The following TRIM41 variants were observed in gnomAD, a reference collection of about 807,000 sequenced individuals.
TRIM41 encodes the protein E3 ubiquitin-protein ligase TRIM41.
TRIM41 carries 21 observed loss-of-function variants against 60.6 expected under a neutral mutation model. The ratio of observed to expected loss-of-function variants is 0.35; its 90% CI spans 0.25 to 0.50. The LOEUF is 0.50. Ranked by LOEUF, TRIM41 falls within the 20% of genes least tolerant of loss-of-function variation. TRIM41 has a pLI of 0.98. For synonymous variants in TRIM41, 407 were observed against 344.9 expected, an observed-to-expected ratio of 1.18 and a Z score of -2.00; for missense variants, 846 against 868.3, an observed-to-expected ratio of 0.97 and a Z score of 0.32.
In TRIM41 at chr5:181,224,405, T is replaced by TACTTGGGGGACATGGAGGAGGAGG; in HGVS notation, c.409_432dup (p.Gly138_Leu145dup). The TACTTGGGGGACATGGAGGAGGAGG allele has an allele frequency of 3.1e-6, 5 of 1,611,384 alleles. No individual in the cohort carries two copies. Among genetic ancestry groups the TACTTGGGGGACATGGAGGAGGAGG allele is most frequent in the Non-Finnish European group, 4.2e-6 (5 of 1,178,516 alleles). On this transcript the variant is annotated inframe_insertion, in exon 1 of 6. Coordinates refer to ENST00000315073, the MANE Select transcript of TRIM41 (RefSeq NM_033549.5). ...GGACGAGGAGGAAGACCTGGACTAC[T>TACTTGGGGGACATGGAGGAGGAGG]ACTTGGGGGACATGGAGGAGGAGGA...
Position 181,224,497 on chromosome 5 carries a change from C to T in TRIM41, c.498C>T (p.Asp166=), listed in dbSNP as rs112372284. 2.4e-4 allele frequency: 381 copies of T among 1,612,598 alleles called. No individual in the cohort carries two copies. Among genetic ancestry groups the T allele is most frequent in the Admixed American group, 1.7e-3 (100 of 59,984 alleles). ...VLEEVEEEDL[D]PVTPLPPPPA... ...AGGAGGTTGAGGAAGAGGATCTAGACCCCGTCACCCCACTGCCCCCGCCTC... is the reference window on the plus strand; with the variant it reads ...AGGAGGTTGAGGAAGAGGATCTAGATCCCGTCACCCCACTGCCCCCGCCTC... Residue 166 remains aspartate, a synonymous_variant, in exon 1 of 6, where the codon GAC becomes GAT. Coordinates refer to ENST00000315073, the MANE Select transcript of TRIM41 (RefSeq NM_033549.5).
chr5:181,235,660 G>T lies in TRIM41; in HGVS notation c.*885G>T. On this transcript the variant is annotated 3_prime_UTR_variant, in exon 6 of 6. Transcript: ENST00000315073. ...TGGGGACGGGTTTGGGTCCCCAGGA[G>T]GAGAGCCTTGGGTATAATCTATTTT... The T allele has an allele frequency of 2.0e-6, 1 of 492,450 alleles. No homozygotes were observed. Among genetic ancestry groups the T allele is most frequent in the East Asian group, 3.3e-5 (1 of 30,148 alleles). The allele number at this position is 492,450 out of a possible 1,614,324, so 30.5% of individuals were successfully genotyped here. A position where few individuals can be genotyped will look rare whatever the true frequency, so the allele number is the denominator to read the frequency against.
intron 1 of TRIM41, chr5:181,228,948 A>AAG (rs1554103123): frequency 6.6e-5 from 10 of 151,246 alleles, no homozygotes; most frequent in Admixed American, 2.0e-4. Context: ...AAAAAAAAAA[A>AAG]AAAAAAAAAA....
rs1759043651 is a variant in TRIM41, at chr5:181,235,170, G to GGA, written c.*396_*397insAG. ...CCTCTTTATCAGTTCTGAGGCTGGA[G>GGA]GGTTTGGGCAAGGCAACATCCCCAT... On this transcript the variant is annotated 3_prime_UTR_variant, in exon 6 of 6. Transcript: ENST00000315073. 1 of 1,535,892 alleles carries GGA rather than the reference G, an allele frequency of 6.5e-7. No individual in the cohort carries two copies. Among genetic ancestry groups the GGA allele is most frequent in the Non-Finnish European group, 8.8e-7 (1 of 1,138,898 alleles).
rs1759022578 is a variant in TRIM41 at position 181,234,967 on chromosome 5, T to A, written c.*192T>A. The A allele has an allele frequency of 1.2e-6, 2 of 1,613,978 alleles. No individual in the cohort carries two copies. Among genetic ancestry groups the A allele is most frequent in the Non-Finnish European group, 1.7e-6 (2 of 1,180,028 alleles). On this transcript the variant is annotated 3_prime_UTR_variant, in exon 6 of 6. Transcript: ENST00000315073. The surrounding 1 kb of genome is among the most constrained non-coding windows in gnomAD (Gnocchi z 5.6). ...AACCCTCCTGGCCTCCAGCTCAGCC[T>A]TCTCTCACCTACTATGTCTGTCCAA...
At chr5:181,224,857 G>T (rs1447148778) in intron 1 of TRIM41, 45 bp downstream of exon 1, 2 of 1,612,494 alleles carry the variant, frequency 1.2e-6, no homozygotes, top group South Asian at 2.2e-5. Context: ...TGGGGGGATG[G>T]AGAGGAAGTA....
intron 2 of TRIM41, chr5:181,232,125 TTTTA>T (rs1425621626): frequency 1.3e-5 from 2 of 152,232 alleles, no homozygotes; most frequent in Non-Finnish European, 2.9e-5. Context: ...TCCTGAATTC[TTTTA>T]TTTATTCATT....
Position 181,223,328 on chromosome 5 carries a change from G to C in TRIM41, c.-672G>C, listed in dbSNP as rs957075702. 20 of 399,156 alleles carry C rather than the reference G, an allele frequency of 5.0e-5. No individual in the cohort carries two copies. Among genetic ancestry groups the C allele is most frequent in the Middle Eastern group, 6.2e-4 (1 of 1,610 alleles). 24.7% of individuals were successfully genotyped at this position (399,156 alleles called of 1,614,324 possible). A position where few individuals can be genotyped will look rare whatever the true frequency, so the allele number is the denominator to read the frequency against. On this transcript the variant is annotated 5_prime_UTR_variant, in exon 1 of 6. Transcript: ENST00000315073. The stretch of plus-strand genomic sequence containing the variant: ...AGTACCGGCTGCAGTCGGCTGTGCC[G>C]GGAGGGTAGGATGGCGTCTGGCCGA...
In TRIM41 at chr5:181,223,332, G is replaced by A. The variant is rs1230900160; in HGVS notation, c.-668G>A. 4 of 399,430 alleles carry A rather than the reference G, an allele frequency of 1.0e-5. No homozygotes were observed. The highest frequency in any genetic ancestry group is 1.8e-5 in the Non-Finnish European group (4 of 226,720). 24.7% of individuals were successfully genotyped at this position (399,430 alleles called of 1,614,324 possible). On this transcript the variant is annotated 5_prime_UTR_variant, in exon 1 of 6. Coordinates refer to ENST00000315073, the MANE Select transcript of TRIM41 (RefSeq NM_033549.5). ...CCGGCTGCAGTCGGCTGTGCCGGGA[G>A]GGTAGGATGGCGTCTGGCCGATGCG... is the stretch of plus-strand genomic sequence containing the variant.
intron 1 of TRIM41, chr5:181,230,496 CAAAAAAAAAAAA>C (rs60815823): frequency 1.1e-3 from 50 of 43,724 alleles, no homozygotes; most frequent in Admixed American, 4.1e-3. Context: ...GACTCTGTCT[CAAAAAAAAAAAA>C]AAAAAAAAAA....
Position 181,233,103 on chromosome 5 carries a change from G to A in TRIM41, c.1140+214G>A, listed in dbSNP as rs999117682. The A allele has an allele frequency of 2.1e-5, 15 of 723,320 alleles. No homozygotes were observed. Among genetic ancestry groups the A allele is most frequent in the East Asian group, 5.4e-5 (2 of 37,374 alleles). The allele number at this position is 723,320 out of a possible 1,614,324, so 44.8% of individuals were successfully genotyped here. The stretch of plus-strand genomic sequence containing the variant: ...TACCCAGTGAAAAGCATGAAGATTC[G>A]GTTGTAGGAGAGGTTTAAATGACAG... On this transcript the variant is annotated intron_variant, in intron 3 of 5. Coordinates refer to ENST00000315073, the MANE Select transcript of TRIM41 (RefSeq NM_033549.5). This position sits in a 1 kb window ranked among gnomAD's most constrained non-coding sequence, Gnocchi z 4.1.
At chr5:181,224,850 G>A in intron 1 of TRIM41, 38 bp downstream of exon 1, 1 of 1,613,242 alleles carries the variant, frequency 6.2e-7, no homozygotes, top group Non-Finnish European at 8.5e-7. Context: ...AGTTTAGTGG[G>A]GGGATGGAGA....
intron 2 of TRIM41, chr5:181,232,033 G>A (rs956956543): frequency 6.6e-6 from 1 of 152,212 alleles, no homozygotes; most frequent in Admixed American, 6.5e-5. Context: ...AAGTTTTTCC[G>A]AGTTCTGATC....
At chr5:181,232,318 T>TA in intron 2 of TRIM41, 1 of 294,476 alleles carries the variant, frequency 3.4e-6, no homozygotes, top group South Asian at 4.1e-5. Flanking sequence ...CACAGAGAGA[T>TA]ACAGTGATAT....
chr5:181,234,423 G>T lies in TRIM41; in HGVS notation c.1541G>T (p.Gly514Val), dbSNP rs1334040731. 7.6e-6 allele frequency: 12 copies of T among 1,589,150 alleles called. No homozygotes were observed. The highest frequency in any genetic ancestry group is 1.1e-5 in the South Asian group (1 of 88,744). The change falls in exon 6 of 6, where the codon GGC becomes GTC. Residue 514 changes from glycine (G) to valine (V), a missense_variant. By Grantham distance (109) the Gly-to-Val change is moderately radical. Transcript: ENST00000315073. This position sits in a 1 kb window ranked among gnomAD's most constrained non-coding sequence, Gnocchi z 5.6. ...RESTHHKEKVGPGGSSVGSGD... is the reference protein window; with the variant it reads ...RESTHHKEKVVPGGSSVGSGD... ...TCAACCCATCATAAGGAAAAGGTGG[G>T]CCCTGGGGGTTCCTCCGTGGGCAGC...
Position 181,233,888 on chromosome 5 carries a change from C to T in TRIM41, c.1291+125C>T, listed in dbSNP as rs1758922813. 2 of 1,473,570 alleles carry T rather than the reference C, an allele frequency of 1.4e-6. No individual in the cohort carries two copies. Among genetic ancestry groups the T allele is most frequent in the African/African-American group, 1.4e-5 (1 of 72,290 alleles). 91.3% of individuals were successfully genotyped at this position (1,473,570 alleles called of 1,614,324 possible). ...AGATGGAGCAGGATCCAGGCAGCCA[C>T]TCTGAGGTTGAGGTTTCAAGCCATG... On this transcript the variant is annotated intron_variant, in intron 5 of 5. Transcript: ENST00000315073. This position sits in a 1 kb window ranked among gnomAD's most constrained non-coding sequence, Gnocchi z 4.1.
In TRIM41 at chr5:181,233,437, T is replaced by C; in HGVS notation, c.1163+2T>C. The C allele has an allele frequency of 6.2e-7, 1 of 1,614,134 alleles. No homozygotes were observed. The highest frequency in any genetic ancestry group is 1.1e-5 in the South Asian group (1 of 91,080). On this transcript the variant is annotated splice_donor_variant, in intron 4 of 5. Transcript: ENST00000315073. LOFTEE classifies it high-confidence loss of function. This position sits in a 1 kb window ranked among gnomAD's most constrained non-coding sequence, Gnocchi z 4.1. Reference sequence around the variant, plus strand: ...GGACATCAAGGAGACTTTCAATAGGTGTGTTCCCAGTCTTTGCCCTTCGTG... The same window carrying C: ...GGACATCAAGGAGACTTTCAATAGGCGTGTTCCCAGTCTTTGCCCTTCGTG...
intron 1 of TRIM41, chr5:181,228,943 A>AAC (rs1353982765): frequency 6.6e-6 from 1 of 151,544 alleles, no homozygotes; most frequent in Non-Finnish European, 1.5e-5. Context: ...CAAAAAAAAA[A>AAC]AAAAAAAAAA....
At chr5:181,230,969 T>A in intron 2 of TRIM41, 130 bp downstream of exon 2, 1 of 763,718 alleles carries the variant, frequency 1.3e-6, no homozygotes, top group Non-Finnish European at 2.3e-6. Flanking sequence ...GAGGGGTAGA[T>A]GCTTTCCCTA....
Sources: allele counts gnomAD v4.1 joint callset, GRCh38; gene constraint gnomAD v4.1.1; non-coding constraint Gnocchi (gnomAD v3.1); transcripts MANE v1.5; gene names NCBI Gene and HGNC (gene_info 2026-07-23, HGNC 2026-07-21).